Variants in TINCR observed in about 807,000 individuals in gnomAD.
TINCR encodes TINCR ubiquitin domain containing.
rs1372106416 is a variant in TINCR at position 5,563,964 on chromosome 19, C to A, written c.261-1015G>T. On this transcript the variant is annotated intron_variant, in intron 1 of 1. Coordinates refer to ENST00000646160, the Ensembl canonical transcript of TINCR. This position sits in a 1 kb window ranked among gnomAD's most constrained non-coding sequence, Gnocchi z 4.7. Reference sequence around the variant, plus strand: ...TAAAAGCATCCTCGCCAGGGGACAGCGGTAAGGCCACGTGAAAAGCCCCTA... The same window carrying A: ...TAAAAGCATCCTCGCCAGGGGACAGAGGTAAGGCCACGTGAAAAGCCCCTA... Among the ~76,000 whole-genome samples the A allele has an allele frequency of 6.6e-6, 1 of 152,106 alleles. No individual in the cohort carries two copies. Among genetic ancestry groups the A allele is most frequent in the Non-Finnish European group, 1.5e-5 (1 of 68,010 alleles).
chr19:5,566,695 CA>C (rs2052131727), intron 1 of TINCR, among the ~76,000 whole-genome samples: 1 of 149,036 alleles, frequency 6.7e-6, no homozygotes, highest in African/African-American at 2.5e-5. Context: ...AAAACAGAGA[CA>C]AAAATGGACA....
At position 5,565,790 on chromosome 19, in the gene TINCR, T is replaced by A. The variant is rs2052125475; in HGVS notation, c.260+1875A>T. ...AAAACATCAACCCAGGCTCGGTGAC[T>A]CAAGCCTCTAGAGGGCTGGTGAATG... is the stretch of plus-strand genomic sequence containing the variant. On this transcript the variant is annotated intron_variant, in intron 1 of 1. Transcript: ENST00000646160. The surrounding 1 kb of genome is among the most constrained non-coding windows in gnomAD (Gnocchi z 4.0). Among the ~76,000 whole-genome samples, 1 of 152,138 alleles carries A rather than the reference T, an allele frequency of 6.6e-6. No individual in the cohort carries two copies. Among genetic ancestry groups the A allele is most frequent in the African/African-American group, 2.4e-5 (1 of 41,440 alleles).
intron 1 of TINCR, among the ~76,000 whole-genome samples, chr19:5,567,446 C>A (rs1252693543): frequency 6.6e-6 from 1 of 152,218 alleles, no homozygotes; most frequent in African/African-American, 2.4e-5. Context: ...AGAAAAACAG[C>A]AGAGACAGAA....
rs1236727792 is a variant in TINCR at position 5,565,139 on chromosome 19, CCT to C, written c.261-2192_261-2191del. 6.6e-6 allele frequency among the ~76,000 whole-genome samples: 1 copy of C among 152,138 alleles called. No homozygotes were observed. The highest frequency in any genetic ancestry group is 1.5e-5 in the Non-Finnish European group (1 of 68,014). On this transcript the variant is annotated intron_variant, in intron 1 of 1. Coordinates refer to ENST00000646160, the Ensembl canonical transcript of TINCR. This position sits in a 1 kb window ranked among gnomAD's most constrained non-coding sequence, Gnocchi z 4.0. The stretch of plus-strand genomic sequence containing the variant: ...ATGAACTGCCCTGGCCCCTCCCTGC[CCT>C]CCCTTCCTCCCTCTCTCCCCCTTGC...
downstream of TINCR, chr19:5,562,093 T>G (rs1434252552): frequency 6.6e-6 from 1 of 152,640 alleles, no homozygotes; most frequent in Non-Finnish European, 1.5e-5. The surrounding 1 kb of genome is among the most constrained non-coding windows in gnomAD (Gnocchi z 4.4). Flanking sequence ...TGGAGTGAGA[T>G]CTAGGCTCCC....
At chr19:5,566,164 G>C (rs1415372299) in intron 1 of TINCR, among the ~76,000 whole-genome samples, 1 of 152,192 alleles carries the variant, frequency 6.6e-6, no homozygotes, top group Non-Finnish European at 1.5e-5. Context: ...AGAGAAGGAA[G>C]AGAGAGACAG....
chr19:5,560,454 C>G, downstream of TINCR: 1 of 152,350 alleles, frequency 6.6e-6, no homozygotes, highest in Non-Finnish European at 1.5e-5. This position sits in a 1 kb window ranked among gnomAD's most constrained non-coding sequence, Gnocchi z 4.5. Context: ...AGCCTCGGCA[C>G]CCCCTCCCCA....
rs1179357248 is a variant in TINCR, at chr19:5,565,431, G to A, written c.260+2234C>T. 2.6e-5 allele frequency among the ~76,000 whole-genome samples: 4 copies of A among 152,188 alleles called. No individual in the cohort carries two copies. The highest frequency in any genetic ancestry group is 5.9e-5 in the Non-Finnish European group (4 of 68,048). ...GCTATTATTTGGCTCTAGGCTCTGT[G>A]AAGGCGAAATCTGGTCTCTCTGGGT... On this transcript the variant is annotated intron_variant, in intron 1 of 1. Transcript: ENST00000646160. This position sits in a 1 kb window ranked among gnomAD's most constrained non-coding sequence, Gnocchi z 4.0.
At chr19:5,566,532 G>C (rs2052130137) in intron 1 of TINCR, among the ~76,000 whole-genome samples, 1 of 150,964 alleles carries the variant, frequency 6.6e-6, no homozygotes, top group Non-Finnish European at 1.5e-5. Context: ...CAGAGACACA[G>C]AGAGAGATGC....
exon 1 of TINCR, chr19:5,567,889 C>G (rs2052140351): frequency 2.6e-6 from 1 of 390,382 alleles, no homozygotes; most frequent in South Asian, 1.3e-4. Context: ...TGTGGTAGCG[C>G]TTCCAGCGCG....
At position 5,565,907 on chromosome 19, in the gene TINCR, G is replaced by T. The variant is rs762131548; in HGVS notation, c.260+1758C>A. Among the ~76,000 whole-genome samples, 3 of 152,166 alleles carry T rather than the reference G, an allele frequency of 2.0e-5. No homozygotes were observed. The highest frequency in any genetic ancestry group is 4.8e-5 in the African/African-American group (2 of 41,430). On this transcript the variant is annotated intron_variant, in intron 1 of 1. Transcript: ENST00000646160. The surrounding 1 kb of genome is among the most constrained non-coding windows in gnomAD (Gnocchi z 4.0). ...AGGTGGTCCCAGGCTCTGAGACGAG[G>T]CCCCACCATCTTCACCACCTCTCGG...
At position 5,563,520 on chromosome 19, in the gene TINCR, G is replaced by A. The variant is rs12610866; in HGVS notation, c.261-571C>T. Among the ~76,000 whole-genome samples, 8 of 152,220 alleles carry A rather than the reference G, an allele frequency of 5.3e-5. No homozygotes were observed. The highest frequency in any genetic ancestry group is 1.0e-4 in the Non-Finnish European group (7 of 68,034). On this transcript the variant is annotated intron_variant, in intron 1 of 1. Coordinates refer to ENST00000646160, the Ensembl canonical transcript of TINCR. The surrounding 1 kb of genome is among the most constrained non-coding windows in gnomAD (Gnocchi z 4.7). Reference sequence around the variant, plus strand: ...TAATGGAGCAGGGAGAAGGTTTAGTGATGAAGGGCGTGGCTTTAAAGCTGG... The same window carrying A: ...TAATGGAGCAGGGAGAAGGTTTAGTAATGAAGGGCGTGGCTTTAAAGCTGG...
chr19:5,567,571 C>G (rs865850237), intron 1 of TINCR, 94 bp downstream of exon 1: 9 of 373,874 alleles, frequency 2.4e-5, no homozygotes, highest in African/African-American at 1.7e-4. Flanking sequence ...AGTGCCGGCC[C>G]GGGAGGCCGC....
At chr19:5,564,324 A>G (rs1019126727) in intron 1 of TINCR, among the ~76,000 whole-genome samples, 3 of 152,254 alleles carry the variant, frequency 2.0e-5, no homozygotes, top group African/African-American at 7.2e-5. Context: ...TGCACCATCC[A>G]CTAGTAGCCC....
intron 1 of TINCR, among the ~76,000 whole-genome samples, chr19:5,566,878 G>A (rs570362185): frequency 1.3e-5 from 2 of 151,780 alleles, no homozygotes; most frequent in Non-Finnish European, 1.5e-5. Context: ...AGAAAAGAGA[G>A]AGGGAGACAG....
At chr19:5,566,880 G>C (rs2052132641) in intron 1 of TINCR, among the ~76,000 whole-genome samples, 1 of 151,392 alleles carries the variant, frequency 6.6e-6, no homozygotes, top group African/African-American at 2.4e-5. Context: ...AAAAGAGAGA[G>C]GGAGACAGAG....
chr19:5,566,517 A>G (rs1299858182), intron 1 of TINCR, among the ~76,000 whole-genome samples: 1 of 151,414 alleles, frequency 6.6e-6, no homozygotes, highest in Admixed American at 6.6e-5. Context: ...AGAGACAGAG[A>G]CTCACAGAGA....
chr19:5,560,179 C>G, downstream of TINCR: 1 of 152,314 alleles, frequency 6.6e-6, no homozygotes, highest in African/African-American at 2.4e-5. The surrounding 1 kb of genome is among the most constrained non-coding windows in gnomAD (Gnocchi z 4.5). Context: ...CTCAGCCAAG[C>G]GGGAATTGCA....
chr19:5,565,211 G>A lies in TINCR; in HGVS notation c.261-2262C>T, dbSNP rs1156352913. On this transcript the variant is annotated intron_variant, in intron 1 of 1. Transcript: ENST00000646160. This position sits in a 1 kb window ranked among gnomAD's most constrained non-coding sequence, Gnocchi z 4.0. ...TCGCTGTTCCTCCAACATGCCAGGTGCAGTCCTGCCTCAGGGCCTTTGCAC... is the reference window on the plus strand; with the variant it reads ...TCGCTGTTCCTCCAACATGCCAGGTACAGTCCTGCCTCAGGGCCTTTGCAC... Among the ~76,000 whole-genome samples the A allele has an allele frequency of 6.6e-5, 10 of 152,012 alleles. No homozygotes were observed. The highest frequency in any genetic ancestry group is 2.6e-4 in the Admixed American group (4 of 15,256).
Sources: gnomAD v4.1 joint callset for allele counts (sites outside exome capture counted in the v4.1 genomes callset) on GRCh38, gnomAD v4.1.1 for gene constraint, Gnocchi (gnomAD v3.1) non-coding constraint, MANE v1.5 for transcripts, NCBI Gene and HGNC (gene_info 2026-07-23, HGNC 2026-07-21) for gene names.